ABL2: variants seen among roughly 807,000 people sequenced by gnomAD.
ABL2 encodes ABL proto-oncogene 2, non-receptor tyrosine kinase.
Under a neutral mutation model 107.7 loss-of-function variants are expected in ABL2, and 49 were observed. The ratio of observed to expected loss-of-function variants is 0.45; its 90% CI spans 0.36 to 0.58. The LOEUF is 0.58. Ranked by LOEUF, ABL2 falls within the 20% of genes least tolerant of loss-of-function variation. The pLI is 0.00. For synonymous variants in ABL2, 549 were observed against 548.6 expected (o/e 1.00, Z -0.01); for missense variants, 1,245 against 1,457.0 (o/e 0.85, Z 2.37).
Position 179,120,174 on chromosome 1 carries a change from A to C in ABL2, c.1045+16T>G. The C allele has an allele frequency of 6.4e-7, 1 of 1,558,544 alleles. No individual in the cohort carries two copies. The highest frequency in any genetic ancestry group is 8.8e-7 in the Non-Finnish European group (1 of 1,140,372). ...CATTTTTGGAGGAAATCTATGGTTC[A>C]GGCAAGGTTCCTCACCTAAAAGTTG... On this transcript the variant is annotated intron_variant, in intron 6 of 11. Coordinates refer to ENST00000502732, the MANE Select transcript of ABL2 (RefSeq NM_007314.4).
chr1:179,112,763 T>C, intron 9 of ABL2, among the ~76,000 whole-genome samples: 1 of 151,148 alleles, frequency 6.6e-6, no homozygotes. Context: ...CTAATTTTTT[T>C]TTTTTTTTTG....
chr1:179,181,394 T>C (rs1038081235), intron 1 of ABL2, among the ~76,000 whole-genome samples: 1 of 152,286 alleles, frequency 6.6e-6, no homozygotes, highest in East Asian at 1.9e-4. Context: ...AAAACTGATA[T>C]AGTATGGTAG....
Position 179,130,107 on chromosome 1 carries a change from T to C in ABL2, c.391+1204A>G, listed in dbSNP as rs769745715. 1.2e-4 allele frequency among the ~76,000 whole-genome samples: 18 copies of C among 152,186 alleles called. 1 individual carries two copies. The highest frequency in any genetic ancestry group is 7.2e-4 in the Admixed American group (11 of 15,282). ...GGCACATGCCGCTACACACGGCTAA[T>C]GTCTTTTGTATTTTAGTAGAGATGG... On this transcript the variant is annotated intron_variant, in intron 3 of 11. Coordinates refer to ENST00000502732, the MANE Select transcript of ABL2 (RefSeq NM_007314.4).
At chr1:179,189,231 G>A (rs1254970528) in intron 1 of ABL2, among the ~76,000 whole-genome samples, 1 of 152,106 alleles carries the variant, frequency 6.6e-6, no homozygotes, top group Non-Finnish European at 1.5e-5. Context: ...CGTCTCCCAG[G>A]TTCAAGTGAT....
chr1:179,166,646 G>A (rs1659399534), intron 1 of ABL2, among the ~76,000 whole-genome samples: 1 of 151,746 alleles, frequency 6.6e-6, no homozygotes, highest in Non-Finnish European at 1.5e-5. Flanking sequence ...GCATGATGGT[G>A]CCTGCCTGTA....
At chr1:179,183,861 T>A (rs1660528490) in intron 1 of ABL2, 1 of 213,656 alleles carries the variant, frequency 4.7e-6, no homozygotes, top group Non-Finnish European at 9.1e-6. Context: ...AATGCTAGTC[T>A]CCACGCCCAC....
intron 1 of ABL2, among the ~76,000 whole-genome samples, chr1:179,180,500 T>C (rs937896141): frequency 5.9e-5 from 9 of 152,138 alleles, no homozygotes; most frequent in Non-Finnish European, 1.2e-4. Context: ...CTACCACCTC[T>C]CTACCCCCAT....
rs1038967224 is a variant in ABL2, at chr1:179,175,374, T to G, written c.158-42000A>C. ...TGTTCAGCTAGCTCCTTTACCCTTT[T>G]CCCTGGTCCCCTTGAATGGGTCCTC... On this transcript the variant is annotated intron_variant, in intron 1 of 11. Transcript: ENST00000502732. Among the ~76,000 whole-genome samples the G allele has an allele frequency of 3.3e-5, 5 of 152,132 alleles. No individual in the cohort carries two copies. In the South Asian group the frequency reaches 6.2e-4, roughly 19 times the overall value.
At chr1:179,113,117 T>C (rs1186516711) in intron 9 of ABL2, among the ~76,000 whole-genome samples, 1 of 152,176 alleles carries the variant, frequency 6.6e-6, no homozygotes, top group Non-Finnish European at 1.5e-5. Flanking sequence ...TTTTGCCACA[T>C]TGCTCAGGTT....
At chr1:179,181,009 C>T (rs1660345934) in intron 1 of ABL2, among the ~76,000 whole-genome samples, 1 of 152,328 alleles carries the variant, frequency 6.6e-6, no homozygotes, top group African/African-American at 2.4e-5. Flanking sequence ...ATCCTTTAGA[C>T]TTGCAATGGT....
At chr1:179,223,404 C>T (rs1022574697) in intron 1 of ABL2, among the ~76,000 whole-genome samples, 1 of 135,802 alleles carries the variant, frequency 7.4e-6, no homozygotes, top group Non-Finnish European at 1.6e-5. Context: ...CAGAGCAAGA[C>T]CCTGTCTCAA....
In ABL2 at chr1:179,126,339, C is replaced by G. The variant is rs1275309642; in HGVS notation, c.687+38G>C. ...CGTTGAATATTATTTCACAGAGTAGCCAGTCCATGCTTAAAGGTGGTGACC... is the reference window on the plus strand; with the variant it reads ...CGTTGAATATTATTTCACAGAGTAGGCAGTCCATGCTTAAAGGTGGTGACC... On this transcript the variant is annotated intron_variant, in intron 4 of 11. Coordinates refer to ENST00000502732, the MANE Select transcript of ABL2 (RefSeq NM_007314.4). The surrounding 1 kb of genome is among the most constrained non-coding windows in gnomAD (Gnocchi z 4.4). The G allele has an allele frequency of 3.2e-6, 5 of 1,582,858 alleles. No individual in the cohort carries two copies. The highest frequency in any genetic ancestry group is 2.6e-6 in the Non-Finnish European group (3 of 1,155,038).
At chr1:179,211,416 G>A (rs1662265912) in intron 1 of ABL2, among the ~76,000 whole-genome samples, 1 of 152,006 alleles carries the variant, frequency 6.6e-6, no homozygotes, top group Non-Finnish European at 1.5e-5. Flanking sequence ...CAGCTATTCA[G>A]GGGGCTGAGG....
intron 1 of ABL2, among the ~76,000 whole-genome samples, chr1:179,211,740 A>G (rs1043559494): frequency 6.6e-6 from 1 of 151,310 alleles, no homozygotes; most frequent in African/African-American, 2.4e-5. Flanking sequence ...TGGAGGTTGC[A>G]GTGAGCCAAG....
chr1:179,182,402 C>T (rs973238047), intron 1 of ABL2, among the ~76,000 whole-genome samples: 2 of 152,186 alleles, frequency 1.3e-5, no homozygotes, highest in African/African-American at 4.8e-5. Flanking sequence ...CATTCACTTT[C>T]CCACTTTCTA....
intron 1 of ABL2, among the ~76,000 whole-genome samples, chr1:179,142,355 T>C (rs28914504): frequency 0.011 from 1,701 of 152,286 alleles, 29 homozygotes; most frequent in African/African-American, 0.039. Flanking sequence ...TTGTACAAAG[T>C]AAATTATCAT....
At chr1:179,135,310 A>C (rs1374307686) in intron 1 of ABL2, among the ~76,000 whole-genome samples, 2 of 141,082 alleles carry the variant, frequency 1.4e-5, no homozygotes, top group Middle Eastern at 3.8e-3. Context: ...GGCCGCCATC[A>C]CATCTGGGAA....
chr1:179,218,522 G>A (rs1056627625), intron 1 of ABL2, among the ~76,000 whole-genome samples: 1 of 152,010 alleles, frequency 6.6e-6, no homozygotes, highest in Non-Finnish European at 1.5e-5. Flanking sequence ...TCAGCCTCCC[G>A]AGTAGCTGGG....
intron 1 of ABL2, among the ~76,000 whole-genome samples, chr1:179,197,203 A>G (rs537941585): frequency 3.9e-5 from 6 of 152,160 alleles, no homozygotes; most frequent in Non-Finnish European, 7.4e-5. Flanking sequence ...TGCTAGTAGG[A>G]TAATAAGAAA....
Sources: gnomAD v4.1 joint callset for allele counts (sites outside exome capture counted in the v4.1 genomes callset) on GRCh38, gnomAD v4.1.1 for gene constraint, Gnocchi (gnomAD v3.1) non-coding constraint, MANE v1.5 for transcripts, NCBI Gene and HGNC (gene_info 2026-07-23, HGNC 2026-07-21) for gene names.